The following INO80 variants were observed in gnomAD, a reference collection of about 807,000 sequenced individuals.
The protein encoded by INO80 is INO80 complex ATPase subunit.
In INO80, 20 loss-of-function variants were observed where a neutral mutation model predicts 203.4. That is an observed-to-expected ratio of 0.10 (90% confidence interval 0.07 to 0.14). The LOEUF (loss-of-function observed/expected upper bound fraction) is 0.14, where lower values mean the gene tolerates loss of function less well. INO80 is among the 10% of genes least tolerant of loss of function. The probability of loss-of-function intolerance (pLI) is 1.00; values close to 1 mark genes in which losing one functional copy is unlikely to be tolerated. For missense variants in INO80, 1,419 were observed against 1,914.4 expected (o/e 0.74, Z 4.83); for synonymous variants, 726 against 685.2 (o/e 1.06, Z -0.93).
At chr15:41,069,219 A>G (rs938679466) in intron 14 of INO80, among the ~76,000 whole-genome samples, 1 of 151,946 alleles carries the variant, frequency 6.6e-6, no homozygotes, top group African/African-American at 2.4e-5. Context: ...ACCTCCCTTC[A>G]CTGCAACCTC....
chr15:41,086,040 G>C (rs2045558050), intron 6 of INO80, among the ~76,000 whole-genome samples: 1 of 152,006 alleles, frequency 6.6e-6, no homozygotes, highest in Non-Finnish European at 1.5e-5. Flanking sequence ...GAACCTAATA[G>C]GTAAGGATGT....
At chr15:41,106,890 T>C (rs2045887916) in intron 1 of INO80, among the ~76,000 whole-genome samples, 1 of 152,230 alleles carries the variant, frequency 6.6e-6, no homozygotes, top group African/African-American at 2.4e-5. Flanking sequence ...GCCTGCCTCC[T>C]GCCATCCATT....
intron 1 of INO80, among the ~76,000 whole-genome samples, chr15:41,112,584 C>A (rs1325919039): frequency 2.0e-5 from 3 of 151,804 alleles, no homozygotes; most frequent in African/African-American, 7.3e-5. Context: ...GTCAAGAGAT[C>A]GAGACCATCC....
chr15:41,062,505 C>T (rs1006009490), intron 14 of INO80, among the ~76,000 whole-genome samples: 3 of 151,920 alleles, frequency 2.0e-5, no homozygotes, highest in African/African-American at 4.8e-5. Flanking sequence ...TGCACTGAAG[C>T]GTGGGTGACA....
At chr15:41,049,877 C>G in intron 20 of INO80, 58 bp downstream of exon 20, 3 of 1,497,632 alleles carry the variant, frequency 2.0e-6, no homozygotes, top group Non-Finnish European at 2.7e-6. Context: ...CAGAGCAAGA[C>G]AATTCTATCT....
intron 26 of INO80, chr15:41,016,691 C>G (rs2044215674): frequency 6.6e-6 from 1 of 152,404 alleles, no homozygotes. Flanking sequence ...TATAACCTCT[C>G]TCTTTTTTTT....
intron 14 of INO80, among the ~76,000 whole-genome samples, chr15:41,060,644 G>C (rs1157858236): frequency 6.6e-6 from 1 of 152,096 alleles, no homozygotes; most frequent in Non-Finnish European, 1.5e-5. Context: ...CACATCCCTG[G>C]CTTTAAGTTG....
intron 19 of INO80, among the ~76,000 whole-genome samples, chr15:41,053,602 T>C (rs1319758981): frequency 6.6e-6 from 1 of 152,236 alleles, no homozygotes; most frequent in Non-Finnish European, 1.5e-5. Context: ...AATATTCATT[T>C]ATAAAACATC....
At chr15:41,028,763 G>C (rs2044414324) in intron 24 of INO80, among the ~76,000 whole-genome samples, 1 of 152,170 alleles carries the variant, frequency 6.6e-6, no homozygotes, top group South Asian at 2.1e-4. Flanking sequence ...GGCTGAGGCA[G>C]GGGAATCGTT....
intron 27 of INO80, among the ~76,000 whole-genome samples, chr15:41,006,085 T>C (rs2044037069): frequency 6.6e-6 from 1 of 152,270 alleles, no homozygotes; most frequent in East Asian, 1.9e-4. Flanking sequence ...AACGAATGTG[T>C]TTCCCCAGAG....
chr15:41,091,104 A>G (rs1430143891), intron 5 of INO80, among the ~76,000 whole-genome samples: 1 of 151,976 alleles, frequency 6.6e-6, no homozygotes, highest in Non-Finnish European at 1.5e-5. Flanking sequence ...TTGTATTTTT[A>G]GTAGAGACAC....
intron 26 of INO80, among the ~76,000 whole-genome samples, chr15:41,019,979 T>C (rs1257186427): frequency 6.6e-6 from 1 of 152,180 alleles, no homozygotes; most frequent in East Asian, 1.9e-4. Flanking sequence ...CCCAGCACTT[T>C]GGGAGGCTGA....
intron 1 of INO80, among the ~76,000 whole-genome samples, chr15:41,114,914 TTC>T (rs1212195424): frequency 1.3e-5 from 2 of 152,120 alleles, no homozygotes; most frequent in South Asian, 2.1e-4. Context: ...CTTCTAGAGA[TTC>T]TCTTTTAGGG....
chr15:41,074,150 G>C (rs1443425046), intron 10 of INO80, among the ~76,000 whole-genome samples: 1 of 152,048 alleles, frequency 6.6e-6, no homozygotes, highest in Non-Finnish European at 1.5e-5. Flanking sequence ...TCCCAAACTT[G>C]CAAGATCATA....
At chr15:40,991,812 C>T (rs1430117371) in intron 29 of INO80, among the ~76,000 whole-genome samples, 3 of 151,568 alleles carry the variant, frequency 2.0e-5, no homozygotes, top group South Asian at 4.2e-4. Flanking sequence ...CTTGCTCTGT[C>T]GCCCAGGCTG....
At chr15:41,109,538 C>T (rs766014615) in intron 1 of INO80, among the ~76,000 whole-genome samples, 13 of 152,028 alleles carry the variant, frequency 8.6e-5, no homozygotes, top group East Asian at 7.8e-4. Flanking sequence ...GCTGTAACCC[C>T]GGCACTTTGG....
In INO80 at chr15:41,059,861, T is replaced by A. The variant is rs2045071482; in HGVS notation, c.1842+6A>T. On this transcript the variant is annotated splice_donor_region_variant and intron_variant, in intron 15 of 35. Transcript: ENST00000648947. ...ACGTATGTATGCAGTTTAAGTAGAATGTTACCTGACTCCAGAACCTTCTGA... is the reference window on the plus strand; with the variant it reads ...ACGTATGTATGCAGTTTAAGTAGAAAGTTACCTGACTCCAGAACCTTCTGA... 6.3e-7 allele frequency: 1 copy of A among 1,596,086 alleles called. No homozygotes were observed. The highest frequency in any genetic ancestry group is 8.6e-7 in the Non-Finnish European group (1 of 1,164,714).
At chr15:40,992,342 C>G (rs939232468) in intron 29 of INO80, among the ~76,000 whole-genome samples, 1 of 152,206 alleles carries the variant, frequency 6.6e-6, no homozygotes, top group African/African-American at 2.4e-5. Flanking sequence ...AATGCAAAGA[C>G]AACCCTACTT....
At position 41,095,666 on chromosome 15, in the gene INO80, A is replaced by C. The variant is rs748264885; in HGVS notation, c.316T>G (p.Ser106Ala). 1 of 1,609,468 alleles carries C rather than the reference A, an allele frequency of 6.2e-7. No individual in the cohort carries two copies. Among genetic ancestry groups the C allele is most frequent in the Non-Finnish European group, 8.5e-7 (1 of 1,176,074 alleles). ...TATAAATTCCCCTTATCACATTTTGATTCTGTATAAAGAAACACAAAGAAT... is the reference window on the plus strand; with the variant it reads ...TATAAATTCCCCTTATCACATTTTGCTTCTGTATAAAGAAACACAAAGAAT... ...YSLNGVLQSE[S>A]KCDKGNLYNF... Residue 106 changes from serine to alanine, a missense_variant and splice_region_variant, in exon 4 of 36, where the codon TCA (serine) becomes GCA (alanine). Ser to Ala is a moderately conservative substitution (Grantham distance 99). Coordinates refer to ENST00000648947, the MANE Select transcript of INO80 (RefSeq NM_017553.3).
Sources: allele counts gnomAD v4.1 joint callset (sites outside exome capture counted in the v4.1 genomes callset), GRCh38; gene constraint gnomAD v4.1.1; transcripts MANE v1.5; gene names NCBI Gene and HGNC (gene_info 2026-07-23, HGNC 2026-07-21).